The following NINL variants were observed in gnomAD, a reference collection of about 807,000 sequenced individuals.
The protein encoded by NINL is ninein-like protein.
NINL carries 153 observed loss-of-function variants against 160.3 expected under a neutral mutation model. The ratio of observed to expected loss-of-function variants is 0.95; its 90% confidence interval spans 0.84 to 1.09. The LOEUF (loss-of-function observed/expected upper bound fraction) is 1.09. Among genes scored for constraint, NINL ranks in the 50% least tolerant of loss-of-function variants. NINL has a pLI of 0.00. For missense variants in NINL, 1,829 were observed against 1,764.0 expected (o/e 1.04, Z -0.66); for synonymous variants, 800 against 734.8 (o/e 1.09, Z -1.43).
intron 7 of NINL, among the ~76,000 whole-genome samples, chr20:25,501,787 C>T (rs1292628462): frequency 6.6e-6 from 1 of 152,078 alleles, no homozygotes; most frequent in Non-Finnish European, 1.5e-5. Context: ...CATGTGCAAC[C>T]GCACCTAGAT....
At chr20:25,490,459 C>T (rs2063604843) in intron 11 of NINL, among the ~76,000 whole-genome samples, 1 of 150,868 alleles carries the variant, frequency 6.6e-6, no homozygotes, top group East Asian at 2.0e-4. Flanking sequence ...ACTCAGGAGG[C>T]TGAGGCAGGA....
intron 17 of NINL, among the ~76,000 whole-genome samples, chr20:25,473,209 A>G (rs1327943796): frequency 2.0e-5 from 3 of 152,202 alleles, no homozygotes; most frequent in African/African-American, 7.2e-5. Flanking sequence ...GGTGAATTCC[A>G]TCTCTTGTTC....
At chr20:25,577,855 G>C (rs1444438410) in intron 1 of NINL, among the ~76,000 whole-genome samples, 2 of 149,802 alleles carry the variant, frequency 1.3e-5, no homozygotes, top group South Asian at 4.2e-4. Context: ...TTTTTGAGAT[G>C]GAGTTTCACT....
chr20:25,579,744 G>A (rs2065152278), intron 1 of NINL, among the ~76,000 whole-genome samples: 2 of 152,184 alleles, frequency 1.3e-5, no homozygotes, highest in African/African-American at 4.8e-5. Context: ...GAGGCTGTGT[G>A]CAGAAGAGAA....
rs760131174 is a variant in NINL at position 25,553,103 on chromosome 20, G to GTTTTTTTTTTTTTT, written c.-11-26506_-11-26505insAAAAAAAAAAAAAA. Among the ~76,000 whole-genome samples the GTTTTTTTTTTTTTT allele has an allele frequency of 6.9e-5, 4 of 58,048 alleles. 1 individual carries two copies. Among genetic ancestry groups the GTTTTTTTTTTTTTT allele is most frequent in the Non-Finnish European group, 1.0e-4 (3 of 28,898 alleles). 38.1% of individuals were successfully genotyped at this position (58,048 alleles called of 152,430 possible). On this transcript the variant is annotated intron_variant, in intron 1 of 23. Coordinates refer to ENST00000278886, the MANE Select transcript of NINL (RefSeq NM_025176.6). Reference sequence around the variant, plus strand: ...TGGAAGTTACTTCTCACCCTTGTTGGGTTTTTTTTTTTTTTTTTGGAGATG... The same window carrying GTTTTTTTTTTTTTT: ...TGGAAGTTACTTCTCACCCTTGTTGGTTTTTTTTTTTTTTGTTTTTTTTTTTTTTTTTGGAGATG...
intron 1 of NINL, among the ~76,000 whole-genome samples, chr20:25,577,127 T>C (rs1300813198): frequency 1.3e-5 from 2 of 152,228 alleles, no homozygotes; most frequent in African/African-American, 4.8e-5. Flanking sequence ...AATCTCAGCC[T>C]GTCACTTACC....
chr20:25,478,375 G>A (rs558693850), intron 16 of NINL, among the ~76,000 whole-genome samples: 139 of 152,304 alleles, frequency 9.1e-4, no homozygotes, highest in African/African-American at 3.1e-3. Context: ...GCCTGTCTGC[G>A]ATGACCAGGC....
At chr20:25,514,866 G>A (rs1188902237) in intron 3 of NINL, among the ~76,000 whole-genome samples, 1 of 152,234 alleles carries the variant, frequency 6.6e-6, no homozygotes, top group Non-Finnish European at 1.5e-5. Flanking sequence ...GGTGGACGGA[G>A]GGCAAGAGTT....
chr20:25,572,702 T>C (rs1306267209), intron 1 of NINL, among the ~76,000 whole-genome samples: 2 of 152,216 alleles, frequency 1.3e-5, no homozygotes, highest in Admixed American at 6.5e-5. Flanking sequence ...GTAGTTTTGA[T>C]AGTTTTCTAA....
At chr20:25,517,972 A>G (rs1288884901) in intron 2 of NINL, 123 bp from the exon 3 acceptor site, 4 of 540,538 alleles carry the variant, frequency 7.4e-6, no homozygotes, top group Non-Finnish European at 1.3e-5. Flanking sequence ...GAATGAGAAC[A>G]TTCACGTTTT....
chr20:25,511,759 G>A (rs6037131), intron 4 of NINL, among the ~76,000 whole-genome samples: 15,112 of 152,188 alleles, frequency 0.099, 1,269 homozygotes, highest in African/African-American at 0.23. Flanking sequence ...TGGATTTACT[G>A]GCATCGCCTA....
At chr20:25,523,868 C>T (rs1346561211) in intron 2 of NINL, among the ~76,000 whole-genome samples, 1 of 151,290 alleles carries the variant, frequency 6.6e-6, no homozygotes, top group Non-Finnish European at 1.5e-5. Context: ...CTCCACCTCC[C>T]GAACTTGTGA....
chr20:25,462,809 C>T (rs544864186), intron 19 of NINL: 14 of 331,706 alleles, frequency 4.2e-5, no homozygotes, highest in African/African-American at 2.8e-4. Flanking sequence ...CACACGTCAC[C>T]ACTCCCACCT....
chr20:25,457,299 G>A (rs2090711750), intron 22 of NINL, among the ~76,000 whole-genome samples: 2 of 152,140 alleles, frequency 1.3e-5, no homozygotes, highest in African/African-American at 2.4e-5. Context: ...ACTCCAGCCT[G>A]GCAACAGAGT....
intron 1 of NINL, among the ~76,000 whole-genome samples, chr20:25,580,283 A>G (rs780838005): frequency 6.6e-6 from 1 of 152,068 alleles, no homozygotes; most frequent in Non-Finnish European, 1.5e-5. Flanking sequence ...GCCGTGAGCC[A>G]AGATTGCGCC....
intron 1 of NINL, among the ~76,000 whole-genome samples, chr20:25,581,667 G>C (rs2065176655): frequency 6.6e-6 from 1 of 152,202 alleles, no homozygotes; most frequent in East Asian, 1.9e-4. Flanking sequence ...ATAAAAATTA[G>C]CGGATAACTC....
chr20:25,483,101 G>C (rs1448786711), intron 13 of NINL, among the ~76,000 whole-genome samples: 1 of 151,124 alleles, frequency 6.6e-6, no homozygotes, highest in Non-Finnish European at 1.5e-5. Flanking sequence ...TTGGGAGGCT[G>C]AGGTGGGCAG....
chr20:25,478,928 C>T lies in NINL; in HGVS notation c.2196G>A (p.Gln732=). 2 of 1,534,818 alleles carry T rather than the reference C, an allele frequency of 1.3e-6. No homozygotes were observed. The highest frequency in any genetic ancestry group is 8.7e-7 in the Non-Finnish European group (1 of 1,144,474). The change falls in exon 16 of 24, where the codon CAG becomes CAA. Residue 732 remains glutamine, a synonymous_variant. Coordinates refer to ENST00000278886, the MANE Select transcript of NINL (RefSeq NM_025176.6). ...LALRHHSHLQ[Q]IRREAEAELS... ...TCAAAAGAAGCTGGCTGGACCTGAT[C>T]TGCTGCAGGTGGCTGTGATGCCGCA... is the stretch of plus-strand genomic sequence containing the variant.
chr20:25,518,381 T>C (rs189534908), intron 2 of NINL, among the ~76,000 whole-genome samples: 6 of 152,350 alleles, frequency 3.9e-5, no homozygotes, highest in Admixed American at 3.9e-4. Context: ...ATGTGCCCTA[T>C]TGGCACATTC....
Sources: gnomAD v4.1 joint callset for allele counts (sites outside exome capture counted in the v4.1 genomes callset) on GRCh38, gnomAD v4.1.1 for gene constraint, MANE v1.5 for transcripts, NCBI Gene and HGNC (gene_info 2026-07-23, HGNC 2026-07-21) for gene names.